The following SVEP1 variants were observed in gnomAD, a reference collection of about 807,000 sequenced individuals.
SVEP1 encodes sushi, von Willebrand factor type A, EGF and pentraxin domain containing 1.
SVEP1 carries 164 observed loss-of-function variants against 367.3 expected under a neutral mutation model. The observed-to-expected ratio is 0.45, with a 90% CI of 0.39 to 0.51. The LOEUF is 0.51. Among genes scored for constraint, SVEP1 ranks in the 20% least tolerant of loss-of-function variants. SVEP1 has a pLI of 0.00. For synonymous variants in SVEP1, 1,666 were observed against 1,611.6 expected, an observed-to-expected ratio of 1.03 and a Z score of -0.81; for missense variants, 4,117 against 4,425.3, an observed-to-expected ratio of 0.93 and a Z score of 1.98.
chr9:110,453,173 A>G (rs1329950724), intron 22 of SVEP1, among the ~76,000 whole-genome samples: 1 of 152,138 alleles, frequency 6.6e-6, no homozygotes, highest in East Asian at 1.9e-4. Context: ...TTATATACCC[A>G]CACATATTAA....
intron 3 of SVEP1, among the ~76,000 whole-genome samples, chr9:110,515,697 A>G (rs371725086): frequency 6.6e-6 from 1 of 152,282 alleles, no homozygotes; most frequent in South Asian, 2.1e-4. Flanking sequence ...CATTAATTTC[A>G]TTAGTATTAT....
chr9:110,463,782 A>T (rs1828896672), intron 18 of SVEP1, among the ~76,000 whole-genome samples: 1 of 152,076 alleles, frequency 6.6e-6, no homozygotes, highest in South Asian at 2.1e-4. Context: ...AACTAACAAA[A>T]AATATATATA....
intron 20 of SVEP1, chr9:110,458,214 C>A: frequency 1.7e-6 from 1 of 586,280 alleles, no homozygotes; most frequent in Non-Finnish European, 3.1e-6. Context: ...TCAAAAGGCT[C>A]CCCCTGGATC....
In SVEP1 at chr9:110,366,465, A is replaced by T; in HGVS notation, c.*74T>A. On this transcript the variant is annotated 3_prime_UTR_variant, in exon 48 of 48. Coordinates refer to ENST00000374469, the MANE Select transcript of SVEP1 (RefSeq NM_153366.4). The stretch of plus-strand genomic sequence containing the variant: ...GCACCATGTTGGACTTTCTTTGCAT[A>T]AGTTCCAGGATGCCCAGGCACTACC... 1 of 1,418,672 alleles carries T rather than the reference A, an allele frequency of 7.0e-7. No individual in the cohort carries two copies. 87.9% of individuals were successfully genotyped at this position (1,418,672 alleles called of 1,614,324 possible).
rs1588057392 is a variant in SVEP1 at position 110,446,880 on chromosome 9, A to C, written c.4261+20T>G. 6.7e-7 allele frequency: 1 copy of C among 1,482,192 alleles called. No homozygotes were observed. Among genetic ancestry groups the C allele is most frequent in the African/African-American group, 1.4e-5 (1 of 70,794 alleles). 91.8% of individuals were successfully genotyped at this position (1,482,192 alleles called of 1,614,324 possible). On this transcript the variant is annotated intron_variant, in intron 25 of 47. Transcript: ENST00000374469. Reference sequence around the variant, plus strand: ...TACTATTGTTAGTATTGTTATTAATAACACTGAGTTGATACATACCTGTTT... The same window carrying C: ...TACTATTGTTAGTATTGTTATTAATCACACTGAGTTGATACATACCTGTTT...
Position 110,579,419 on chromosome 9 carries a change from GC to G in SVEP1, c.124del (p.Ala42ProfsTer84). ...FRLFPETAPG[A>X]PGSIPAPPAP... ...GGGCGGCGCGGGGATACTCCCGGGG[GC>G]CCCGGGCGCGGTCTCGGGGAAGAGG... On this transcript the variant is annotated frameshift_variant, in exon 1 of 48. Transcript: ENST00000374469. LOFTEE classifies it high-confidence loss of function. This position sits in a 1 kb window ranked among gnomAD's most constrained non-coding sequence, Gnocchi z 5.3. 6.3e-7 allele frequency: 1 copy of G among 1,582,654 alleles called. No homozygotes were observed. The highest frequency in any genetic ancestry group is 8.6e-7 in the Non-Finnish European group (1 of 1,165,410).
chr9:110,506,127 G>A (rs1012591292), intron 5 of SVEP1, among the ~76,000 whole-genome samples: 2 of 152,080 alleles, frequency 1.3e-5, no homozygotes, highest in African/African-American at 4.8e-5. Flanking sequence ...CTTCATCCAT[G>A]TCCCTGCAAA....
intron 27 of SVEP1, among the ~76,000 whole-genome samples, chr9:110,439,002 T>C (rs1486525721): frequency 3.9e-5 from 6 of 152,210 alleles, no homozygotes. Context: ...CTCCGTTTTT[T>C]AGAATTCTTA....
chr9:110,406,334 C>A lies in SVEP1; in HGVS notation c.9266G>T (p.Ser3089Ile). ...TTGTATGACATATCCAGACCTGCAG[C>A]TGTAAGTTATCACATTTTCCTTCCA... Reference protein sequence around the residue: ...SSWKENVITYSCRSGYVIQGS... With the variant: ...SSWKENVITYICRSGYVIQGS... The change falls in exon 38 of 48, where the codon AGC (serine) becomes ATC (isoleucine). Residue 3089 changes from serine to isoleucine, a missense_variant. Transcript: ENST00000374469. The A allele has an allele frequency of 6.2e-7, 1 of 1,614,068 alleles. No individual in the cohort carries two copies. The highest frequency in any genetic ancestry group is 1.1e-5 in the South Asian group (1 of 91,084).
intron 36 of SVEP1, among the ~76,000 whole-genome samples, chr9:110,425,696 G>A (rs1274699959): frequency 6.6e-6 from 1 of 152,074 alleles, no homozygotes; most frequent in East Asian, 1.9e-4. Flanking sequence ...TAAACGTTAG[G>A]CAGACATAAA....
intron 18 of SVEP1, among the ~76,000 whole-genome samples, chr9:110,463,551 T>C (rs548654305): frequency 1.0e-5 from 1 of 95,842 alleles, no homozygotes; most frequent in East Asian, 2.8e-4. Context: ...ATAAAAATAG[T>C]AAATCAATAC....
At chr9:110,438,695 T>C (rs1013467385) in intron 27 of SVEP1, among the ~76,000 whole-genome samples, 1 of 152,226 alleles carries the variant, frequency 6.6e-6, no homozygotes, top group Non-Finnish European at 1.5e-5. Flanking sequence ...GATTGATTTC[T>C]GGTAGTTAAA....
chr9:110,441,479 G>A (rs1385368332), intron 27 of SVEP1, among the ~76,000 whole-genome samples: 1 of 152,154 alleles, frequency 6.6e-6, no homozygotes, highest in Non-Finnish European at 1.5e-5. Flanking sequence ...TGACTCTACA[G>A]CTCTGTCCTT....
At chr9:110,469,740 G>A (rs927002781) in intron 16 of SVEP1, among the ~76,000 whole-genome samples, 10 of 152,270 alleles carry the variant, frequency 6.6e-5, no homozygotes, top group Non-Finnish European at 1.5e-4. Context: ...TGTTAAACAC[G>A]CAGATTTCAA....
At chr9:110,532,119 T>C (rs375422589) in intron 3 of SVEP1, among the ~76,000 whole-genome samples, 71 of 152,250 alleles carry the variant, frequency 4.7e-4, no homozygotes, top group African/African-American at 1.5e-3. Flanking sequence ...ACTTTATTTA[T>C]TTACTCCTTC....
intron 1 of SVEP1, among the ~76,000 whole-genome samples, chr9:110,556,910 G>A (rs976384525): frequency 6.6e-6 from 1 of 152,106 alleles, no homozygotes; most frequent in African/African-American, 2.4e-5. Context: ...TTCTCCAAGG[G>A]GCAGAAAATT....
chr9:110,520,611 T>G (rs977803853), intron 3 of SVEP1, among the ~76,000 whole-genome samples: 5 of 152,206 alleles, frequency 3.3e-5, no homozygotes, highest in African/African-American at 1.2e-4. Context: ...ACCAACCAGT[T>G]TGGAATTTGT....
chr9:110,554,722 ATGTGCGTGTG>A (rs1406720421), intron 1 of SVEP1, among the ~76,000 whole-genome samples: 1 of 121,450 alleles, frequency 8.2e-6, no homozygotes, highest in Non-Finnish European at 1.7e-5. Context: ...GTATGTATAG[ATGTGCGTGTG>A]TGTGTGTGTG....
chr9:110,504,176 T>C (rs1408733810), intron 5 of SVEP1, among the ~76,000 whole-genome samples: 1 of 151,482 alleles, frequency 6.6e-6, no homozygotes, highest in Non-Finnish European at 1.5e-5. Context: ...TGCCTCAGCC[T>C]CCCGAGTAGC....
Sources: allele counts gnomAD v4.1 joint callset (sites outside exome capture counted in the v4.1 genomes callset), GRCh38; gene constraint gnomAD v4.1.1; non-coding constraint Gnocchi (gnomAD v3.1); transcripts MANE v1.5; gene names NCBI Gene and HGNC (gene_info 2026-07-23, HGNC 2026-07-21).